Variants in SLC9A9 observed in about 807,000 individuals in gnomAD.
SLC9A9 encodes sodium/hydrogen exchanger 9.
SLC9A9 carries 62 observed loss-of-function variants against 77.8 expected under a neutral mutation model. That is an observed-to-expected ratio of 0.80 (90% CI 0.65 to 0.98). SLC9A9 has a LOEUF of 0.98. Among genes scored for constraint, SLC9A9 ranks in the 50% least tolerant of loss-of-function variants. The pLI is 0.00. For missense variants in SLC9A9, 775 were observed against 774.9 expected, an observed-to-expected ratio of 1.00 and a Z score of 0.00; for synonymous variants, 320 against 283.5, an observed-to-expected ratio of 1.13 and a Z score of -1.29.
rs1222522138 is a variant in SLC9A9, at chr3:143,741,777, C to T, written c.534-48470G>A. Among the ~76,000 whole-genome samples, 2 of 152,044 alleles carry T rather than the reference C, an allele frequency of 1.3e-5. 1 individual carries two copies. The highest frequency in any genetic ancestry group is 4.1e-4 in the South Asian group (2 of 4,828). ...TGATCTTCCCCCTAACCCATTGAAACCACCTTTGCAAAATTATGACTGAGA... is the reference window on the plus strand; with the variant it reads ...TGATCTTCCCCCTAACCCATTGAAATCACCTTTGCAAAATTATGACTGAGA... On this transcript the variant is annotated intron_variant, in intron 4 of 15. Coordinates refer to ENST00000316549, the MANE Select transcript of SLC9A9 (RefSeq NM_173653.4).
At chr3:143,815,539 G>T (rs1281485114) in intron 2 of SLC9A9, among the ~76,000 whole-genome samples, 2 of 146,820 alleles carry the variant, frequency 1.4e-5, no homozygotes, top group African/African-American at 2.7e-5. Context: ...AGGGCTTTTT[G>T]CTATTTTAAA....
chr3:143,394,608 C>G (rs558093105), intron 12 of SLC9A9, among the ~76,000 whole-genome samples: 1 of 152,226 alleles, frequency 6.6e-6, no homozygotes, highest in South Asian at 2.1e-4. Context: ...CCAGGGCAAT[C>G]AGACAGGAGA....
chr3:143,772,220 C>T (rs578019820), intron 4 of SLC9A9, among the ~76,000 whole-genome samples: 2 of 152,158 alleles, frequency 1.3e-5, no homozygotes, highest in South Asian at 2.1e-4. Context: ...GAGTATATCA[C>T]CTCTGTGAAT....
intron 12 of SLC9A9, among the ~76,000 whole-genome samples, chr3:143,393,881 C>A (rs1326099281): frequency 1.3e-5 from 2 of 152,080 alleles, no homozygotes; most frequent in African/African-American, 2.4e-5. Context: ...GACACATACA[C>A]CCTCCCAAGA....
intron 5 of SLC9A9, among the ~76,000 whole-genome samples, chr3:143,656,790 G>T (rs2038897321): frequency 6.6e-6 from 1 of 152,164 alleles, no homozygotes; most frequent in Non-Finnish European, 1.5e-5. Flanking sequence ...ACTTGTCCAT[G>T]ACACACAGAG....
At chr3:143,286,672 C>A (rs955457481) in intron 14 of SLC9A9, among the ~76,000 whole-genome samples, 1 of 152,166 alleles carries the variant, frequency 6.6e-6, no homozygotes, top group Non-Finnish European at 1.5e-5. Flanking sequence ...TCTGTTGATT[C>A]TTCCCAGTTT....
At chr3:143,615,685 C>T (rs544586964) in intron 6 of SLC9A9, among the ~76,000 whole-genome samples, 14 of 152,138 alleles carry the variant, frequency 9.2e-5, no homozygotes, top group African/African-American at 1.2e-4. Context: ...TCATTTGATG[C>T]GTTTTGTTAT....
At position 143,574,162 on chromosome 3, in the gene SLC9A9, G is replaced by T. The variant is rs775325802; in HGVS notation, c.926C>A (p.Pro309Gln). 3.1e-6 allele frequency: 5 copies of T among 1,613,350 alleles called. No individual in the cohort carries two copies. The highest frequency in any genetic ancestry group is 4.2e-6 in the Non-Finnish European group (5 of 1,179,532). Residue 309 changes from proline (P) to glutamine (Q), a missense_variant, in exon 8 of 16, where the codon CCG becomes CAG. Transcript: ENST00000316549. Reference protein sequence around the residue: ...LTKFTKLCEFPMLETGLFFLL... With the variant: ...LTKFTKLCEFQMLETGLFFLL... The stretch of plus-strand genomic sequence containing the variant: ...GAAAAACAGGCCGGTTTCCAGCATC[G>T]GGAACTCACACAGCTTGGTAAATTT...
intron 4 of SLC9A9, among the ~76,000 whole-genome samples, chr3:143,791,575 C>T (rs2008225954): frequency 6.6e-6 from 1 of 152,206 alleles, no homozygotes. Flanking sequence ...GGCACTGCTA[C>T]ATGAAACCTA....
chr3:143,322,918 AAAAAC>A (rs568418532), intron 14 of SLC9A9, among the ~76,000 whole-genome samples: 44 of 152,350 alleles, frequency 2.9e-4, no homozygotes, highest in African/African-American at 8.9e-4. Context: ...ATTTCTCCAA[AAAAAC>A]AAAACAAAAC....
At chr3:143,780,854 C>T (rs183658758) in intron 4 of SLC9A9, among the ~76,000 whole-genome samples, 19 of 152,256 alleles carry the variant, frequency 1.2e-4, no homozygotes, top group Admixed American at 8.5e-4. Flanking sequence ...CTGGTATATA[C>T]TATTTGCTGT....
chr3:143,326,400 C>A (rs1416742854), intron 14 of SLC9A9, among the ~76,000 whole-genome samples: 2 of 152,190 alleles, frequency 1.3e-5, no homozygotes, highest in Non-Finnish European at 1.5e-5. Flanking sequence ...TGCCTGCCGG[C>A]CCTGCGTGAT....
chr3:143,530,619 C>T (rs1043817658), intron 9 of SLC9A9, among the ~76,000 whole-genome samples: 2 of 151,942 alleles, frequency 1.3e-5, no homozygotes, highest in African/African-American at 4.8e-5. Context: ...TGCATTATCT[C>T]AAGTCCATCA....
Position 143,578,626 on chromosome 3 carries a change from A to T in SLC9A9, c.853T>A (p.Ser285Thr), listed in dbSNP as rs764262875. The change falls in exon 7 of 16, where the codon TCA becomes ACA. Residue 285 changes from serine (S) to threonine (T), a missense_variant. Physicochemically the swap from Ser to Thr is moderately conservative, Grantham distance 58. Transcript: ENST00000316549. ...VGNFLGIFAG[S>T]FAMGSAYAII... ...GCATACGCAGACCCCATTGCAAATGAGCCAGCGAAGATTCCCAGGAAATTC... is the reference window on the plus strand; with the variant it reads ...GCATACGCAGACCCCATTGCAAATGTGCCAGCGAAGATTCCCAGGAAATTC... 2 of 1,614,124 alleles carry T rather than the reference A, an allele frequency of 1.2e-6. No homozygotes were observed. The highest frequency in any genetic ancestry group is 4.5e-5 in the East Asian group (2 of 44,880).
chr3:143,266,952 G>A, intron 15 of SLC9A9, 23 bp from the exon 16 acceptor site: 1 of 1,608,908 alleles, frequency 6.2e-7, no homozygotes, highest in Non-Finnish European at 8.5e-7. Context: ...AGAGAGAGAG[G>A]TGTCACTTCA....
chr3:143,735,392 C>T (rs945085832), intron 4 of SLC9A9, among the ~76,000 whole-genome samples: 1 of 152,120 alleles, frequency 6.6e-6, no homozygotes, highest in African/African-American at 2.4e-5. Context: ...ATTTAAAAAG[C>T]TGTACTATTA....
At chr3:143,459,717 C>G (rs982169002) in intron 12 of SLC9A9, among the ~76,000 whole-genome samples, 1 of 152,130 alleles carries the variant, frequency 6.6e-6, no homozygotes, top group Non-Finnish European at 1.5e-5. Context: ...ACAATCTTCT[C>G]TACATTTTCT....
intron 5 of SLC9A9, among the ~76,000 whole-genome samples, chr3:143,685,986 C>T (rs930309102): frequency 6.6e-6 from 1 of 152,130 alleles, no homozygotes; most frequent in Admixed American, 6.6e-5. Flanking sequence ...ACTGATAAAG[C>T]CACTCAGCTA....
intron 6 of SLC9A9, among the ~76,000 whole-genome samples, chr3:143,623,040 G>T (rs559421836): frequency 1.3e-5 from 2 of 152,284 alleles, no homozygotes; most frequent in South Asian, 4.2e-4. Context: ...ATGGTAAAGA[G>T]ATCAATTCAA....
Sources: gnomAD v4.1 joint callset for allele counts (sites outside exome capture counted in the v4.1 genomes callset) on GRCh38, gnomAD v4.1.1 for gene constraint, MANE v1.5 for transcripts, NCBI Gene and HGNC (gene_info 2026-07-23, HGNC 2026-07-21) for gene names.